The following RP1 variants were observed in gnomAD, a reference collection of about 807,000 sequenced individuals.
RP1 encodes the protein oxygen-regulated protein 1.
A neutral mutation model predicts 14.8 loss-of-function variants in RP1; 16 were observed. The observed-to-expected ratio is 1.08, with a 90% CI of 0.73 to 1.65. The LOEUF is 1.65. RP1 is among the 40% of genes most tolerant of loss of function. The probability of loss-of-function intolerance (pLI) is 0.00; values close to 1 mark genes in which losing one functional copy is unlikely to be tolerated. For synonymous variants in RP1, 876 were observed against 883.6 expected (o/e 0.99, Z 0.15); for missense variants, 2,631 against 2,535.0 (o/e 1.04, Z -0.81).
At chr8:54,674,059 A>C in intron 8 of RP1, 1 of 664,210 alleles carries the variant, frequency 1.5e-6, no homozygotes, top group Non-Finnish European at 2.5e-6. Context: ...ATATGAAATC[A>C]AAATATTGTC....
chr8:54,639,019 A>G (rs2129321768), intron 3 of RP1, among the ~76,000 whole-genome samples: 1 of 152,190 alleles, frequency 6.6e-6, no homozygotes, highest in South Asian at 2.1e-4. Flanking sequence ...CATAATCACC[A>G]CTATAGTAAG....
intron 16 of RP1, among the ~76,000 whole-genome samples, chr8:54,721,511 A>T (rs1335366832): frequency 2.0e-5 from 3 of 152,262 alleles, no homozygotes; most frequent in Non-Finnish European, 4.4e-5. Flanking sequence ...AAAAGAAGAG[A>T]TTGAAATAAT....
At chr8:54,736,855 C>T (rs1371537667) in intron 18 of RP1, among the ~76,000 whole-genome samples, 3 of 152,096 alleles carry the variant, frequency 2.0e-5, no homozygotes, top group Non-Finnish European at 4.4e-5. Context: ...TGTGTGTGCA[C>T]TAAAGTTTGA....
At chr8:54,806,054 T>C (rs1302849745) in intron 24 of RP1, among the ~76,000 whole-genome samples, 3 of 152,186 alleles carry the variant, frequency 2.0e-5, no homozygotes, top group African/African-American at 7.2e-5. Flanking sequence ...AGTCACACTC[T>C]GTCACCCAGG....
At chr8:54,606,728 G>A (rs184413201) in intron 1 of RP1, among the ~76,000 whole-genome samples, 159 of 152,240 alleles carry the variant, frequency 1.0e-3, no homozygotes, top group Non-Finnish European at 1.7e-3. Context: ...ATTTCTTGGA[G>A]GCTTTGTTTG....
At chr8:54,601,573 A>G (rs1354849302) in intron 1 of RP1, among the ~76,000 whole-genome samples, 2 of 50,728 alleles carry the variant, frequency 3.9e-5, no homozygotes, top group East Asian at 4.1e-4. Flanking sequence ...AAAGTATAAT[A>G]AAAAAAAACA....
intron 1 of RP1, among the ~76,000 whole-genome samples, chr8:54,583,436 A>T (rs191232075): frequency 5.3e-5 from 8 of 152,308 alleles, no homozygotes; most frequent in African/African-American, 1.9e-4. Flanking sequence ...ATTGATGTTC[A>T]TCAGGAATAT....
intron 19 of RP1, among the ~76,000 whole-genome samples, chr8:54,747,712 G>A (rs1385558787): frequency 6.6e-6 from 1 of 152,236 alleles, no homozygotes; most frequent in African/African-American, 2.4e-5. Flanking sequence ...ACCAGCCTGG[G>A]CAACATGGGA....
intron 1 of RP1, among the ~76,000 whole-genome samples, chr8:54,573,047 T>C (rs139723296): frequency 6.6e-6 from 1 of 152,318 alleles, no homozygotes; most frequent in East Asian, 1.9e-4. Flanking sequence ...ATAGAGATTT[T>C]CTAATGTCCT....
intron 25 of RP1, among the ~76,000 whole-genome samples, chr8:54,844,213 AAAG>A (rs2129405653): frequency 2.0e-5 from 3 of 152,352 alleles, no homozygotes; most frequent in African/African-American, 7.2e-5. Flanking sequence ...CGGGTGGCCC[AAAG>A]AACCCTTCAT....
chr8:54,814,505 C>T (rs1289929269), intron 24 of RP1, among the ~76,000 whole-genome samples: 1 of 152,150 alleles, frequency 6.6e-6, no homozygotes, highest in Non-Finnish European at 1.5e-5. Context: ...CATATAAAAT[C>T]TGATGTTTTC....
At chr8:54,657,552 T>C (rs1179089959) in intron 6 of RP1, among the ~76,000 whole-genome samples, 1 of 152,210 alleles carries the variant, frequency 6.6e-6, no homozygotes, top group Non-Finnish European at 1.5e-5. Context: ...TTATCTAATA[T>C]TCTAGCTAAG....
At chr8:54,709,230 T>G (rs1047646209) in intron 15 of RP1, among the ~76,000 whole-genome samples, 1 of 152,330 alleles carries the variant, frequency 6.6e-6, no homozygotes, top group South Asian at 2.1e-4. Context: ...CTTTAGAAAT[T>G]TCCCAAGAAC....
downstream of RP1, among the ~76,000 whole-genome samples, chr8:54,774,961 G>C (rs1225586489): frequency 1.3e-5 from 2 of 152,096 alleles, no homozygotes; most frequent in Non-Finnish European, 2.9e-5. Context: ...TGACATTTCA[G>C]CTTGGATAAC....
intron 19 of RP1, among the ~76,000 whole-genome samples, chr8:54,743,013 G>A (rs901122017): frequency 2.6e-5 from 4 of 152,112 alleles, no homozygotes; most frequent in Admixed American, 2.6e-4. Flanking sequence ...AAAGTGGGTA[G>A]AACACTAATT....
intron 21 of RP1, among the ~76,000 whole-genome samples, chr8:54,758,285 A>C (rs573870307): frequency 1.3e-5 from 2 of 152,288 alleles, no homozygotes; most frequent in African/African-American, 2.4e-5. Context: ...TATAGCACTG[A>C]CTTTAGGTCC....
chr8:54,801,123 C>A (rs970428256), intron 24 of RP1, among the ~76,000 whole-genome samples: 1 of 152,106 alleles, frequency 6.6e-6, no homozygotes, highest in Non-Finnish European at 1.5e-5. Context: ...TTTAGTAACA[C>A]CTTATGTTTA....
At position 54,627,616 on chromosome 8, in the gene RP1, G is replaced by T. The variant is rs142459971; in HGVS notation, c.3734G>T (p.Cys1245Phe). The T allele has an allele frequency of 6.2e-7, 1 of 1,614,074 alleles. No individual in the cohort carries two copies. The highest frequency in any genetic ancestry group is 1.3e-5 in the African/African-American group (1 of 74,940). ...GGAGGTTGCTCTGCCAGTGAGGCATGTGCCCCTGAAGTCTGTGTTTTGGAA... is the reference window on the plus strand; with the variant it reads ...GGAGGTTGCTCTGCCAGTGAGGCATTTGCCCCTGAAGTCTGTGTTTTGGAA... ...LDGGCSASEA[C>F]APEVCVLEVT... The change falls in exon 4 of 4, where the codon TGT becomes TTT. Residue 1245 changes from cysteine to phenylalanine, a missense_variant. Physicochemically the swap from Cys to Phe is radical, Grantham distance 205. Coordinates refer to ENST00000220676, the MANE Select transcript of RP1 (RefSeq NM_006269.2).
chr8:54,643,570 C>T (rs934469354), intron 3 of RP1, among the ~76,000 whole-genome samples: 5 of 152,188 alleles, frequency 3.3e-5, no homozygotes, highest in African/African-American at 1.2e-4. Context: ...TTATGTAACA[C>T]ATTTTACCTG....
Sources: allele counts gnomAD v4.1 joint callset (sites outside exome capture counted in the v4.1 genomes callset), GRCh38; gene constraint gnomAD v4.1.1; transcripts MANE v1.5; gene names NCBI Gene and HGNC (gene_info 2026-07-23, HGNC 2026-07-21).